The following EPHA3 variants were observed in gnomAD, a reference collection of about 807,000 sequenced individuals.
EPHA3 encodes EPH receptor A3.
Under a neutral mutation model 107.1 loss-of-function variants are expected in EPHA3, and 42 were observed. The ratio of observed to expected loss-of-function variants is 0.39; its 90% confidence interval spans 0.31 to 0.51. The LOEUF (loss-of-function observed/expected upper bound fraction) is 0.51, where lower values mean the gene tolerates loss of function less well. EPHA3 is among the 20% of genes least tolerant of loss of function. The pLI, the probability that EPHA3 is intolerant of heterozygous loss-of-function variation, is 0.78. For missense variants in EPHA3, 1,183 were observed against 1,211.2 expected (o/e 0.98, Z 0.35); for synonymous variants, 461 against 424.8 (o/e 1.09, Z -1.05).
chr3:89,351,151 C>G (rs1462979552), intron 5 of EPHA3, among the ~76,000 whole-genome samples: 2 of 151,278 alleles, frequency 1.3e-5, no homozygotes, highest in South Asian at 2.1e-4. Context: ...CCACCCAGTT[C>G]GAGCTTCCCC....
chr3:89,162,419 C>T (rs1430536637), intron 2 of EPHA3, among the ~76,000 whole-genome samples: 1 of 152,170 alleles, frequency 6.6e-6, no homozygotes, highest in Non-Finnish European at 1.5e-5. Context: ...ATGCAATGAC[C>T]TAGCAGAATT....
chr3:89,333,533 T>A (rs1707333737), intron 3 of EPHA3, among the ~76,000 whole-genome samples: 1 of 152,166 alleles, frequency 6.6e-6, no homozygotes. Flanking sequence ...ACTCGGCACT[T>A]AAACTTGAAG....
At chr3:89,141,653 T>C (rs1197626821) in intron 2 of EPHA3, among the ~76,000 whole-genome samples, 1 of 151,542 alleles carries the variant, frequency 6.6e-6, no homozygotes, top group East Asian at 1.9e-4. Flanking sequence ...CGCCTGCAAA[T>C]AAATTTAAAT....
At chr3:89,429,912 C>T (rs1404956133) in intron 12 of EPHA3, among the ~76,000 whole-genome samples, 1 of 151,958 alleles carries the variant, frequency 6.6e-6, no homozygotes. Context: ...TACAGGCGCC[C>T]ACCATCATGC....
chr3:89,251,714 C>A (rs1213395971), intron 3 of EPHA3, among the ~76,000 whole-genome samples: 4 of 151,898 alleles, frequency 2.6e-5, no homozygotes, highest in Admixed American at 6.6e-5. Flanking sequence ...TATTTCATAA[C>A]AATTTAAATT....
At chr3:89,407,224 C>A (rs767545059) in intron 7 of EPHA3, 45 bp from the exon 8 acceptor site, 11 of 1,393,012 alleles carry the variant, frequency 7.9e-6, no homozygotes, top group Admixed American at 1.7e-5. Context: ...AGATGTTAGT[C>A]ATGATTATAA....
chr3:89,211,722 CTTTTTCTTCTTCTTCTTCTCCTTCTTCT>C (rs1704091129), intron 3 of EPHA3, among the ~76,000 whole-genome samples: 1 of 139,528 alleles, frequency 7.2e-6, no homozygotes, highest in Non-Finnish European at 1.6e-5. Flanking sequence ...TCCTCTTCTT[CTTTTTCTTCTTCTTCTTCTCCTTCTTCT>C]TCTTCTTCTT....
rs368282370 is a variant in EPHA3 at position 89,183,635 on chromosome 3, A to AT, written c.154-26219dup. Among the ~76,000 whole-genome samples, 833 of 152,048 alleles carry AT rather than the reference A, an allele frequency of 5.5e-3. 7 individuals are homozygous for AT. Among genetic ancestry groups the AT allele is most frequent in the African/African-American group, 0.019 (805 of 41,520 alleles). On this transcript the variant is annotated intron_variant, in intron 2 of 16. Transcript: ENST00000336596. ...ATTAAGGTGATTTAATAAAGAAACT[A>AT]TTTTTTAATGAAAACAGATGCATTC...
chr3:89,171,553 A>G lies in EPHA3; in HGVS notation c.154-38307A>G, dbSNP rs77524650. 5.6e-3 allele frequency among the ~76,000 whole-genome samples: 850 copies of G among 152,340 alleles called. 4 individuals are homozygous for G. Among genetic ancestry groups the G allele is most frequent in the Non-Finnish European group, 8.4e-3 (572 of 68,026 alleles). Reference sequence around the variant, plus strand: ...ACTCTTCTCACATTTGTTTCATTCTAAGAAAATGGTGAATGATAAAATAAT... The same window carrying G: ...ACTCTTCTCACATTTGTTTCATTCTGAGAAAATGGTGAATGATAAAATAAT... On this transcript the variant is annotated intron_variant, in intron 2 of 16. Coordinates refer to ENST00000336596, the MANE Select transcript of EPHA3 (RefSeq NM_005233.6).
intron 3 of EPHA3, among the ~76,000 whole-genome samples, chr3:89,213,928 T>C (rs1197979856): frequency 6.6e-6 from 1 of 152,034 alleles, no homozygotes; most frequent in African/African-American, 2.4e-5. Context: ...TCCATTGTTT[T>C]TCCAACCAAT....
intron 1 of EPHA3, among the ~76,000 whole-genome samples, chr3:89,125,134 C>T (rs1704065516): frequency 6.6e-6 from 1 of 151,822 alleles, no homozygotes; most frequent in Admixed American, 6.6e-5. Flanking sequence ...AGTGATTGAT[C>T]TTAACATGTG....
At chr3:89,472,678 AC>A (rs376317195) in intron 16 of EPHA3, 59 bp downstream of exon 16, 369,276 of 1,540,684 alleles carry the variant, frequency 0.24, 48,174 homozygotes, top group African/African-American at 0.36. Context: ...TCTTGGCTTG[AC>A]ATGAAAGATT....
At chr3:89,456,859 A>G (rs1710107677) in intron 15 of EPHA3, among the ~76,000 whole-genome samples, 1 of 152,192 alleles carries the variant, frequency 6.6e-6, no homozygotes, top group African/African-American at 2.4e-5. Context: ...TGTTTATTCA[A>G]CAATAACCGT....
chr3:89,176,912 A>T (rs1399142614), intron 2 of EPHA3, among the ~76,000 whole-genome samples: 1 of 152,110 alleles, frequency 6.6e-6, no homozygotes, highest in Non-Finnish European at 1.5e-5. Flanking sequence ...TATTTTTCTT[A>T]ATATTTCAGA....
chr3:89,223,694 C>A (rs1286600911), intron 3 of EPHA3, among the ~76,000 whole-genome samples: 1 of 152,122 alleles, frequency 6.6e-6, no homozygotes, highest in African/African-American at 2.4e-5. Flanking sequence ...CGTGACTTGA[C>A]TTTATACATT....
chr3:89,135,762 G>A (rs1208438099), intron 2 of EPHA3, among the ~76,000 whole-genome samples: 10 of 147,822 alleles, frequency 6.8e-5, no homozygotes, highest in Non-Finnish European at 6.0e-5. Flanking sequence ...AAGTTTAACT[G>A]AAAAAAAAAA....
At chr3:89,415,971 AT>A (rs575863896) in intron 10 of EPHA3, among the ~76,000 whole-genome samples, 7 of 150,318 alleles carry the variant, frequency 4.7e-5, no homozygotes, top group African/African-American at 1.2e-4. Context: ...TCTTCATAGT[AT>A]TTTTTTTTGA....
chr3:89,128,867 G>C (rs767857254), intron 2 of EPHA3, among the ~76,000 whole-genome samples: 1 of 151,974 alleles, frequency 6.6e-6, no homozygotes, highest in Non-Finnish European at 1.5e-5. Context: ...GGAATTGGGG[G>C]AAATGAATTC....
In EPHA3 at chr3:89,466,822, AGCTGTT is replaced by A. The variant is rs1710286840; in HGVS notation, c.2691-5641_2691-5636del. ...GCTCACGCTGGGAGCTGTAGACCGG[AGCTGTT>A]CCTATTCGGCCATCTTGGCTCCTCC... On this transcript the variant is annotated intron_variant, in intron 15 of 16. Coordinates refer to ENST00000336596, the MANE Select transcript of EPHA3 (RefSeq NM_005233.6). Among the ~76,000 whole-genome samples the A allele has an allele frequency of 2.0e-5, 2 of 100,488 alleles. 1 individual carries two copies. Among genetic ancestry groups the A allele is most frequent in the Admixed American group, 1.9e-4 (2 of 10,642 alleles). 65.9% of individuals were successfully genotyped at this position (100,488 alleles called of 152,430 possible).
Sources: gnomAD v4.1 joint callset for allele counts (sites outside exome capture counted in the v4.1 genomes callset) on GRCh38, gnomAD v4.1.1 for gene constraint, MANE v1.5 for transcripts, NCBI Gene and HGNC (gene_info 2026-07-23, HGNC 2026-07-21) for gene names.